Variants in RBFOX2 observed in about 807,000 individuals in gnomAD.
RBFOX2 encodes the protein RNA binding protein fox-1 homolog 2.
A neutral mutation model predicts 49.1 loss-of-function variants in RBFOX2; 10 were observed. The ratio of observed to expected loss-of-function variants is 0.20; its 90% confidence interval spans 0.13 to 0.35. The LOEUF is 0.35. Ranked by LOEUF, RBFOX2 falls within the 10% of genes least tolerant of loss-of-function variation. The probability of loss-of-function intolerance (pLI) is 1.00; values close to 1 mark genes in which losing one functional copy is unlikely to be tolerated. For missense variants in RBFOX2, 323 were observed against 486.9 expected (o/e 0.66, Z 3.17); for synonymous variants, 183 against 187.4 (o/e 0.98, Z 0.19).
chr22:35,864,584 T>C (rs1368295875), intron 1 of RBFOX2, among the ~76,000 whole-genome samples: 4 of 152,196 alleles, frequency 2.6e-5, no homozygotes, highest in Non-Finnish European at 5.9e-5. Flanking sequence ...AGAAAAATAA[T>C]AACTTATACT....
intron 1 of RBFOX2, among the ~76,000 whole-genome samples, chr22:35,820,174 C>T (rs1954147435): frequency 1.3e-5 from 2 of 152,264 alleles, no homozygotes; most frequent in South Asian, 4.1e-4. Flanking sequence ...TTAGCTTTTA[C>T]ACTCCACTGA....
chr22:35,993,882 G>A (rs935875251), intron 1 of RBFOX2: 1 of 152,130 alleles, frequency 6.6e-6, no homozygotes, highest in Non-Finnish European at 1.5e-5. Flanking sequence ...AGTTACTCAG[G>A]AGGCTGAGGC....
At position 35,882,745 on chromosome 22, in the gene RBFOX2, T is replaced by C. The variant is rs200466741; in HGVS notation, c.-34+56102A>G. On this transcript the variant is annotated intron_variant, in intron 1 of 13. Coordinates refer to the RBFOX2 transcript ENST00000359369. ...GTTTATTCATACTGATGAGAGAAAGTGGGTAAATACGGGGGTGGGAAATCC... is the reference window on the plus strand; with the variant it reads ...GTTTATTCATACTGATGAGAGAAAGCGGGTAAATACGGGGGTGGGAAATCC... Among the ~76,000 whole-genome samples the C allele has an allele frequency of 3.3e-5, 5 of 152,176 alleles. No homozygotes were observed. In the East Asian group the frequency reaches 9.7e-4, roughly 29 times the overall value.
At chr22:35,921,108 G>T (rs1005399199) in intron 1 of RBFOX2, among the ~76,000 whole-genome samples, 2 of 152,174 alleles carry the variant, frequency 1.3e-5, no homozygotes, top group Non-Finnish European at 2.9e-5. Context: ...TATGGCTCAG[G>T]AGTCAGAAAA....
chr22:35,762,164 C>T (rs1939133380), intron 6 of RBFOX2, among the ~76,000 whole-genome samples: 1 of 152,170 alleles, frequency 6.6e-6, no homozygotes, highest in Admixed American at 6.5e-5. Context: ...CACCAGAATA[C>T]TGTGGAACAT....
At chr22:35,904,340 A>G (rs2048899792) in intron 1 of RBFOX2, among the ~76,000 whole-genome samples, 1 of 152,160 alleles carries the variant, frequency 6.6e-6, no homozygotes, top group South Asian at 2.1e-4. Context: ...TTTCTCCATT[A>G]GAAAGTAATG....
At chr22:35,892,385 C>T (rs933152172) in intron 1 of RBFOX2, among the ~76,000 whole-genome samples, 6 of 152,100 alleles carry the variant, frequency 3.9e-5, no homozygotes, top group African/African-American at 9.7e-5. Flanking sequence ...AACAGGAAAG[C>T]GGGGAGAAAA....
intron 1 of RBFOX2, among the ~76,000 whole-genome samples, chr22:36,017,180 G>A (rs2059068874): frequency 6.6e-6 from 1 of 152,148 alleles, no homozygotes; most frequent in Admixed American, 6.5e-5. Context: ...TGAGTGATGT[G>A]AAAAATACCA....
intron 1 of RBFOX2, among the ~76,000 whole-genome samples, chr22:35,876,996 A>G (rs2045203620): frequency 6.6e-6 from 1 of 152,230 alleles, no homozygotes. Context: ...TGACTAAGAA[A>G]GTAGAGACTT....
chr22:35,768,701 T>C (rs917622129), intron 4 of RBFOX2, among the ~76,000 whole-genome samples: 2 of 152,208 alleles, frequency 1.3e-5, no homozygotes, highest in Non-Finnish European at 2.9e-5. Context: ...TCTCAATTCA[T>C]GTTATTAATT....
intron 11 of RBFOX2, among the ~76,000 whole-genome samples, chr22:35,744,651 A>C (rs1053506358): frequency 1.3e-5 from 2 of 152,078 alleles, no homozygotes; most frequent in African/African-American, 4.8e-5. Flanking sequence ...CTCACATATG[A>C]CCCATCGGCA....
At chr22:36,019,412 C>T (rs1011968072) in intron 1 of RBFOX2, among the ~76,000 whole-genome samples, 2 of 152,184 alleles carry the variant, frequency 1.3e-5, no homozygotes, top group Non-Finnish European at 2.9e-5. Context: ...TTAACCACTC[C>T]ATGCAGATTA....
At chr22:35,786,449 T>C (rs951571579) in intron 2 of RBFOX2, among the ~76,000 whole-genome samples, 4 of 152,210 alleles carry the variant, frequency 2.6e-5, no homozygotes, top group African/African-American at 9.6e-5. Context: ...ACATAAATTA[T>C]AAGCATAGAG....
At chr22:35,892,794 G>T (rs2149382955) in intron 1 of RBFOX2, among the ~76,000 whole-genome samples, 1 of 152,282 alleles carries the variant, frequency 6.6e-6, no homozygotes, top group Middle Eastern at 3.4e-3. Flanking sequence ...AATCAGAAGA[G>T]GTTCAGTTCA....
rs35429449 is a variant in RBFOX2 at position 35,838,231 on chromosome 22, AT to A, written c.27+1960del. Among the ~76,000 whole-genome samples, 23 of 150,846 alleles carry A rather than the reference AT, an allele frequency of 1.5e-4. No individual in the cohort carries two copies. The East Asian group carries it at 3.5e-3, about 23-fold the overall frequency. ...GAAACAGGATTTATCTTTTATGTAA[AT>A]TTTTTTTAAAAAATAAAGCAGTATT... is the stretch of plus-strand genomic sequence containing the variant. On this transcript the variant is annotated intron_variant, in intron 1 of 11. Coordinates refer to ENST00000405409, the Ensembl canonical transcript of RBFOX2.
chr22:35,788,913 G>A (rs1207071932), intron 2 of RBFOX2, among the ~76,000 whole-genome samples: 2 of 152,150 alleles, frequency 1.3e-5, no homozygotes, highest in African/African-American at 4.8e-5. Context: ...TCGGGAAGCT[G>A]TATTATTGGA....
intron 1 of RBFOX2, among the ~76,000 whole-genome samples, chr22:35,919,214 C>T (rs1434146064): frequency 6.6e-6 from 1 of 152,126 alleles, no homozygotes; most frequent in Non-Finnish European, 1.5e-5. Context: ...TTGCATAGGG[C>T]TGGGGAAGTA....
intron 1 of RBFOX2, among the ~76,000 whole-genome samples, chr22:35,972,190 GT>G: frequency 6.6e-6 from 1 of 152,006 alleles, no homozygotes; most frequent in African/African-American, 2.4e-5. Flanking sequence ...TCATTTTGGG[GT>G]TTTTTAAATG....
upstream of RBFOX2, among the ~76,000 whole-genome samples, chr22:35,962,282 T>C (rs924937351): frequency 2.0e-5 from 3 of 152,202 alleles, no homozygotes; most frequent in African/African-American, 7.2e-5. Flanking sequence ...ACTTCAGTGA[T>C]CAAACACACT....
Sources: allele counts gnomAD v4.1 joint callset (sites outside exome capture counted in the v4.1 genomes callset), GRCh38; gene constraint gnomAD v4.1.1; transcripts MANE v1.5; gene names NCBI Gene and HGNC (gene_info 2026-07-23, HGNC 2026-07-21).